Variants in LHFPL3 observed in about 807,000 individuals in gnomAD.
The protein encoded by LHFPL3 is LHFPL tetraspan subfamily member 3 protein.
In LHFPL3, 5 loss-of-function variants were observed where a neutral mutation model predicts 19.3. The ratio of observed to expected loss-of-function variants is 0.26; its 90% CI spans 0.14 to 0.54. The LOEUF (loss-of-function observed/expected upper bound fraction) is 0.54. Ranked by LOEUF, LHFPL3 falls within the 20% of genes least tolerant of loss-of-function variation. The pLI, the probability that LHFPL3 is intolerant of heterozygous loss-of-function variation, is 0.94. For synonymous variants in LHFPL3, 133 were observed against 126.2 expected (o/e 1.05, Z -0.36); for missense variants, 249 against 307.4 (o/e 0.81, Z 1.42).
chr7:104,523,337 T>C (rs1794115967), intron 1 of LHFPL3, among the ~76,000 whole-genome samples: 1 of 152,158 alleles, frequency 6.6e-6, no homozygotes, highest in Non-Finnish European at 1.5e-5. Flanking sequence ...CACTGGAGAA[T>C]CTGAAAAGAG....
intron 1 of LHFPL3, among the ~76,000 whole-genome samples, chr7:104,514,937 A>C (rs1297591074): frequency 6.6e-6 from 1 of 152,184 alleles, no homozygotes; most frequent in Non-Finnish European, 1.5e-5. Context: ...TTTCTGTTAG[A>C]ATAATCTGCA....
At chr7:104,884,270 C>T (rs1331236059) in intron 2 of LHFPL3, among the ~76,000 whole-genome samples, 1 of 152,154 alleles carries the variant, frequency 6.6e-6, no homozygotes, top group East Asian at 1.9e-4. Flanking sequence ...CCCCCTTCCT[C>T]TTTCCTTCCA....
At chr7:104,348,103 T>C (rs1790106554) in intron 1 of LHFPL3, among the ~76,000 whole-genome samples, 1 of 152,296 alleles carries the variant, frequency 6.6e-6, no homozygotes, top group Admixed American at 6.5e-5. Context: ...GAAAACAGAT[T>C]TGGCTGGGCG....
intron 2 of LHFPL3, among the ~76,000 whole-genome samples, chr7:104,747,018 T>C (rs1794058977): frequency 6.6e-6 from 1 of 152,234 alleles, no homozygotes; most frequent in Admixed American, 6.5e-5. Context: ...GCTTTACAAA[T>C]ATTTTTAAAT....
At chr7:104,536,726 A>G (rs948254764) in intron 1 of LHFPL3, among the ~76,000 whole-genome samples, 1 of 152,198 alleles carries the variant, frequency 6.6e-6, no homozygotes, top group African/African-American at 2.4e-5. Flanking sequence ...TGCTCCTACC[A>G]TTTAGTTCCC....
intron 1 of LHFPL3, among the ~76,000 whole-genome samples, chr7:104,405,203 T>C (rs1214559661): frequency 2.6e-5 from 4 of 152,176 alleles, no homozygotes. Context: ...TTTTTGAGCC[T>C]AGCAAAACAA....
At chr7:104,578,355 A>G (rs768412612) in intron 1 of LHFPL3, among the ~76,000 whole-genome samples, 1 of 152,196 alleles carries the variant, frequency 6.6e-6, no homozygotes, top group Non-Finnish European at 1.5e-5. Context: ...GGGATTTCCC[A>G]TCAGGATAAA....
intron 1 of LHFPL3, among the ~76,000 whole-genome samples, chr7:104,483,758 G>A (rs930945475): frequency 6.6e-6 from 1 of 152,154 alleles, no homozygotes; most frequent in African/African-American, 2.4e-5. Context: ...TGGGACTACA[G>A]ATGTGCACCA....
chr7:104,498,666 C>T (rs530705107), intron 1 of LHFPL3, among the ~76,000 whole-genome samples: 4 of 152,080 alleles, frequency 2.6e-5, no homozygotes, highest in East Asian at 1.9e-4. Context: ...TTAGTAGAGA[C>T]GGGGTTTCAC....
chr7:104,689,528 G>T (rs570102976), intron 1 of LHFPL3, among the ~76,000 whole-genome samples: 7 of 152,274 alleles, frequency 4.6e-5, no homozygotes, highest in African/African-American at 1.7e-4. Context: ...CCAGTTTACA[G>T]ACCCAGAACC....
At chr7:104,599,037 C>G (rs925120745) in intron 1 of LHFPL3, among the ~76,000 whole-genome samples, 14 of 152,132 alleles carry the variant, frequency 9.2e-5, no homozygotes, top group African/African-American at 3.1e-4. Context: ...TTTTAAAACT[C>G]CCCTCATATG....
chr7:104,810,847 T>C (rs1790451864), intron 2 of LHFPL3, among the ~76,000 whole-genome samples: 1 of 152,226 alleles, frequency 6.6e-6, no homozygotes, highest in East Asian at 1.9e-4. Context: ...CCAAATTGTT[T>C]TCCACCAGGA....
chr7:104,431,155 G>C (rs543841944), intron 1 of LHFPL3, among the ~76,000 whole-genome samples: 1 of 151,806 alleles, frequency 6.6e-6, no homozygotes, highest in East Asian at 1.9e-4. Flanking sequence ...TATATTTGCT[G>C]TTTCTTTATT....
intron 1 of LHFPL3, among the ~76,000 whole-genome samples, chr7:104,626,868 A>G (rs1252827799): frequency 2.0e-5 from 3 of 152,230 alleles, no homozygotes; most frequent in African/African-American, 4.8e-5. Flanking sequence ...ATTTTTCTCA[A>G]TTGATGAATA....
intron 1 of LHFPL3, among the ~76,000 whole-genome samples, chr7:104,329,770 C>T (rs1172538742): frequency 2.6e-5 from 4 of 152,188 alleles, no homozygotes; most frequent in Admixed American, 6.5e-5. Flanking sequence ...ATGTTTACTC[C>T]TCCATCCGGA....
chr7:104,541,034 A>G (rs1409123514), intron 1 of LHFPL3, among the ~76,000 whole-genome samples: 1 of 151,794 alleles, frequency 6.6e-6, no homozygotes, highest in East Asian at 1.9e-4. Context: ...CCCAGATTCC[A>G]GAAGGGGTAT....
At chr7:104,698,410 A>G (rs1793036202) in intron 1 of LHFPL3, among the ~76,000 whole-genome samples, 1 of 152,212 alleles carries the variant, frequency 6.6e-6, no homozygotes, top group African/African-American at 2.4e-5. Flanking sequence ...TTTCAGTCAA[A>G]GTTTAAAATC....
At chr7:104,588,542 A>G (rs1790634753) in intron 1 of LHFPL3, among the ~76,000 whole-genome samples, 1 of 152,224 alleles carries the variant, frequency 6.6e-6, no homozygotes, top group Admixed American at 6.5e-5. Flanking sequence ...GTTTGAAGTC[A>G]GGTAGCATGA....
intron 1 of LHFPL3, among the ~76,000 whole-genome samples, chr7:104,365,340 G>A (rs1039321518): frequency 5.3e-5 from 8 of 151,976 alleles, no homozygotes; most frequent in Non-Finnish European, 7.4e-5. Context: ...GGAGGTGGGA[G>A]CGAGTGGTAA....
Sources: allele counts gnomAD v4.1 joint callset (sites outside exome capture counted in the v4.1 genomes callset), GRCh38; gene constraint gnomAD v4.1.1; transcripts MANE v1.5; gene names NCBI Gene and HGNC (gene_info 2026-07-23, HGNC 2026-07-21).